The following UBE3C variants were observed in gnomAD, a reference collection of about 807,000 sequenced individuals.
UBE3C encodes the protein ubiquitin-protein ligase E3C.
UBE3C carries 42 observed loss-of-function variants against 129.4 expected under a neutral mutation model. That is an observed-to-expected ratio of 0.32 (90% CI 0.25 to 0.42). The LOEUF is 0.42. Ranked by LOEUF, UBE3C falls within the 10% of genes least tolerant of loss-of-function variation. The pLI is 1.00. For synonymous variants in UBE3C, 510 were observed against 492.4 expected, an observed-to-expected ratio of 1.04 and a Z score of -0.47; for missense variants, 1,049 against 1,319.1, an observed-to-expected ratio of 0.80 and a Z score of 3.17.
At chr7:157,170,578 A>C in intron 4 of UBE3C, 128 bp downstream of exon 4, 1 of 1,037,030 alleles carries the variant, frequency 9.6e-7, no homozygotes, top group Non-Finnish European at 1.3e-6. Context: ...CAAACTTCTC[A>C]GCTAGCTGTG....
At chr7:157,153,542 C>G (rs1432174520) in intron 1 of UBE3C, among the ~76,000 whole-genome samples, 1 of 152,136 alleles carries the variant, frequency 6.6e-6, no homozygotes, top group African/African-American at 2.4e-5. Flanking sequence ...ATCCTCCCAC[C>G]TTGGCTTCCC....
intron 22 of UBE3C, 96 bp from the exon 23 acceptor site, chr7:157,267,489 A>T: frequency 7.1e-7 from 1 of 1,418,184 alleles, no homozygotes; most frequent in Non-Finnish European, 9.7e-7. Context: ...TGGTAACTTT[A>T]CTGATTGGAG....
intron 5 of UBE3C, among the ~76,000 whole-genome samples, chr7:157,176,447 G>A (rs746693872): frequency 2.8e-4 from 43 of 152,244 alleles, no homozygotes; most frequent in Admixed American, 4.6e-4. Flanking sequence ...GCTAATTTTT[G>A]TATTTTTAGT....
chr7:157,223,444 G>A, intron 16 of UBE3C, 93 bp downstream of exon 16: 3 of 1,083,806 alleles, frequency 2.8e-6, no homozygotes, highest in Non-Finnish European at 4.0e-6. Flanking sequence ...AAGGTGCCTA[G>A]TGCCTGGCTG....
At chr7:157,224,792 A>ACACACACT (rs769953235) in intron 16 of UBE3C, among the ~76,000 whole-genome samples, 8 of 139,200 alleles carry the variant, frequency 5.7e-5, no homozygotes, top group African/African-American at 1.9e-4. Flanking sequence ...ACACACACAC[A>ACACACACT]CTCTCTCTCT....
intron 21 of UBE3C, chr7:157,256,629 T>C (rs1207731840): frequency 8.2e-6 from 2 of 244,704 alleles, no homozygotes; most frequent in East Asian, 1.6e-4. Context: ...ATTTTAAATA[T>C]TTGAGGAAAA....
rs10637384 is a variant in UBE3C at position 157,187,381 on chromosome 7, G to GTTT, written c.1331+369_1331+371dup. Among the ~76,000 whole-genome samples the GTTT allele has an allele frequency of 2.1e-3, 295 of 142,888 alleles. 1 individual carries two copies. Among genetic ancestry groups the GTTT allele is most frequent in the East Asian group, 0.016 (75 of 4,828 alleles). The allele number at this position is 142,888 out of a possible 152,430, so 93.7% of individuals were successfully genotyped here. ...TTTCATAGTACTCGTGTTTTATGGG[G>GTTT]TTTTTTTTTTTCTTCTTCTTCTTCA... On this transcript the variant is annotated intron_variant, in intron 10 of 22. Coordinates refer to ENST00000348165, the MANE Select transcript of UBE3C (RefSeq NM_014671.3).
chr7:157,238,522 C>T (rs1219700642), intron 18 of UBE3C, among the ~76,000 whole-genome samples: 1 of 152,074 alleles, frequency 6.6e-6, no homozygotes, highest in African/African-American at 2.4e-5. Flanking sequence ...AGGGAACCAC[C>T]TGGGTTCTGT....
chr7:157,224,796 T>TCG (rs879350367), intron 16 of UBE3C, among the ~76,000 whole-genome samples: 1,953 of 115,234 alleles, frequency 0.017, 35 homozygotes, highest in African/African-American at 0.07. Flanking sequence ...ACACACACTC[T>TCG]CTCTCTCTCT....
intron 13 of UBE3C, among the ~76,000 whole-genome samples, chr7:157,215,028 C>T (rs1420702106): frequency 2.6e-5 from 4 of 152,164 alleles, no homozygotes; most frequent in Non-Finnish European, 4.4e-5. Flanking sequence ...CATTTCCACT[C>T]GTTGAAGAAG....
At chr7:157,195,280 A>G (rs1809086960) in intron 10 of UBE3C, among the ~76,000 whole-genome samples, 2 of 152,232 alleles carry the variant, frequency 1.3e-5, no homozygotes, top group Admixed American at 6.5e-5. Context: ...AGAGACCCAC[A>G]AGTTTCTCGA....
chr7:157,168,824 C>T (rs906165340), intron 2 of UBE3C, among the ~76,000 whole-genome samples: 3 of 152,108 alleles, frequency 2.0e-5, no homozygotes, highest in African/African-American at 7.2e-5. Flanking sequence ...CGAATGGAGA[C>T]GGGGCTTCTG....
At chr7:157,243,169 G>T (rs1193734839) in intron 18 of UBE3C, among the ~76,000 whole-genome samples, 1 of 152,178 alleles carries the variant, frequency 6.6e-6, no homozygotes, top group Non-Finnish European at 1.5e-5. Flanking sequence ...GTCCTCCACG[G>T]TCCCCATCCC....
At chr7:157,176,474 C>T (rs893178959) in intron 5 of UBE3C, among the ~76,000 whole-genome samples, 12 of 152,170 alleles carry the variant, frequency 7.9e-5, no homozygotes, top group African/African-American at 2.9e-4. Flanking sequence ...GGGGTTTTGC[C>T]ATGTTGGCCA....
In UBE3C at chr7:157,268,873, G is replaced by A. The variant is rs1429677408; in HGVS notation, c.*1118G>A. The A allele has an allele frequency of 6.5e-6, 1 of 152,692 alleles. No individual in the cohort carries two copies. Among genetic ancestry groups the A allele is most frequent in the African/African-American group, 2.4e-5 (1 of 41,468 alleles). The allele number at this position is 152,692 out of a possible 1,614,324, so 9.5% of individuals were successfully genotyped here. A position where few individuals can be genotyped will look rare whatever the true frequency, so the allele number is the denominator to read the frequency against. ...AAACAGAAAGCGTTTCAAAGCGTCAGCTGTGGGAGCAGAGTGACCCTTTGC... is the reference window on the plus strand; with the variant it reads ...AAACAGAAAGCGTTTCAAAGCGTCAACTGTGGGAGCAGAGTGACCCTTTGC... On this transcript the variant is annotated 3_prime_UTR_variant, in exon 23 of 23. Transcript: ENST00000348165.
At chr7:157,196,013 C>T (rs749799785) in intron 10 of UBE3C, among the ~76,000 whole-genome samples, 7 of 152,088 alleles carry the variant, frequency 4.6e-5, no homozygotes, top group East Asian at 1.9e-4. Context: ...GATTTCAAGA[C>T]GAGGCGATAA....
chr7:157,227,300 G>C (rs1273317706), intron 17 of UBE3C, among the ~76,000 whole-genome samples: 1 of 152,148 alleles, frequency 6.6e-6, no homozygotes, highest in Non-Finnish European at 1.5e-5. Context: ...AGCTCCGAGG[G>C]CACGGGTGCT....
chr7:157,197,924 C>G, intron 10 of UBE3C: 3 of 1,607,280 alleles, frequency 1.9e-6, no homozygotes, highest in Non-Finnish European at 1.7e-6. Context: ...CAGGTGTAAG[C>G]CTTCCAAGTT....
intron 10 of UBE3C, among the ~76,000 whole-genome samples, chr7:157,193,131 T>C (rs925730656): frequency 2.6e-5 from 4 of 152,238 alleles, no homozygotes; most frequent in African/African-American, 9.6e-5. Context: ...TTTAGCAGCT[T>C]GTCTCCAGAC....
Sources: allele counts gnomAD v4.1 joint callset (sites outside exome capture counted in the v4.1 genomes callset), GRCh38; gene constraint gnomAD v4.1.1; transcripts MANE v1.5; gene names NCBI Gene and HGNC (gene_info 2026-07-23, HGNC 2026-07-21).